Variants in RTN1 observed in about 807,000 individuals in gnomAD.
RTN1 encodes reticulon-1.
Under a neutral mutation model 65.5 loss-of-function variants are expected in RTN1, and 25 were observed. The observed-to-expected ratio is 0.38, with a 90% CI of 0.28 to 0.53. The LOEUF is 0.53. Among genes scored for constraint, RTN1 ranks in the 20% least tolerant of loss-of-function variants. The pLI is 0.79. For missense variants in RTN1, 983 were observed against 1,025.4 expected (o/e 0.96, Z 0.57); for synonymous variants, 471 against 447.6 (o/e 1.05, Z -0.66).
At chr14:59,864,122 C>T (rs1177256573) in intron 1 of RTN1, among the ~76,000 whole-genome samples, 2 of 152,202 alleles carry the variant, frequency 1.3e-5, no homozygotes, top group Non-Finnish European at 2.9e-5. Context: ...TTTAACACCT[C>T]TCCCATTCCT....
chr14:59,680,399 G>T (rs188839462), intron 3 of RTN1, among the ~76,000 whole-genome samples: 1 of 152,206 alleles, frequency 6.6e-6, no homozygotes, highest in African/African-American at 2.4e-5. Context: ...AAGTTATTTT[G>T]CATAAAAGTT....
At chr14:59,739,581 T>A (rs957288486) in intron 2 of RTN1, among the ~76,000 whole-genome samples, 3 of 147,460 alleles carry the variant, frequency 2.0e-5, no homozygotes, top group African/African-American at 7.5e-5. Flanking sequence ...GTAGAAGGAG[T>A]ATAACCCATT....
chr14:59,782,919 T>C (rs1033976587), intron 1 of RTN1, among the ~76,000 whole-genome samples: 8 of 152,162 alleles, frequency 5.3e-5, no homozygotes, highest in Middle Eastern at 3.2e-3. Context: ...CCATGCAGTC[T>C]ATGTTGAGTG....
rs923923596 is a variant in RTN1 at position 59,784,118 on chromosome 14, T to C, written c.242-37637A>G. Reference sequence around the variant, plus strand: ...TGGAACTCATTATATATTTTTATTGTTAATCTTGTCTTTATGTTTTAAAAA... The same window carrying C: ...TGGAACTCATTATATATTTTTATTGCTAATCTTGTCTTTATGTTTTAAAAA... On this transcript the variant is annotated intron_variant, in intron 1 of 8. Coordinates refer to ENST00000267484, the MANE Select transcript of RTN1 (RefSeq NM_021136.3). Among the ~76,000 whole-genome samples the C allele has an allele frequency of 1.2e-4, 18 of 152,192 alleles. 1 individual carries two copies. Among genetic ancestry groups the C allele is most frequent in the Admixed American group, 1.2e-3 (18 of 15,264 alleles).
chr14:59,615,239 C>T (rs141500340), intron 3 of RTN1, among the ~76,000 whole-genome samples: 2,790 of 152,158 alleles, frequency 0.018, 69 homozygotes, highest in African/African-American at 0.054. Flanking sequence ...CACCTGAGGT[C>T]AGGAGTTCGA....
At position 59,846,463 on chromosome 14, in the gene RTN1, C is replaced by G. The variant is rs909080561; in HGVS notation, c.241+23927G>C. ...ACCACACACATCCACACTCATCTGT[C>G]ACTTTGTTCCTGAGGTCTCAGTATT... On this transcript the variant is annotated intron_variant, in intron 1 of 8. Transcript: ENST00000267484. The surrounding 1 kb of genome is among the most constrained non-coding windows in gnomAD (Gnocchi z 4.8). Among the ~76,000 whole-genome samples the G allele has an allele frequency of 6.6e-6, 1 of 152,028 alleles. No individual in the cohort carries two copies. Among genetic ancestry groups the G allele is most frequent in the African/African-American group, 2.4e-5 (1 of 41,408 alleles).
Position 59,704,279 on chromosome 14 carries a change from C to T in RTN1, c.1765+22640G>A, listed in dbSNP as rs959836581. On this transcript the variant is annotated intron_variant, in intron 3 of 8. Transcript: ENST00000267484. ...GAACAACCCCGCCCCCTCACCGCCA[C>T]GAATAGTCAAATCTCTGCTAGGTTC... is the stretch of plus-strand genomic sequence containing the variant. Among the ~76,000 whole-genome samples the T allele has an allele frequency of 3.9e-5, 6 of 152,208 alleles. No homozygotes were observed. The South Asian group carries it at 1.2e-3, about 32-fold the overall frequency.
At chr14:59,758,241 T>C (rs1430816953) in intron 1 of RTN1, among the ~76,000 whole-genome samples, 6 of 152,160 alleles carry the variant, frequency 3.9e-5, no homozygotes, top group African/African-American at 1.4e-4. Context: ...TTCTCCAGCT[T>C]CCAGCCTCAC....
intron 2 of RTN1, among the ~76,000 whole-genome samples, chr14:59,729,328 G>T (rs1594705384): frequency 6.6e-6 from 1 of 152,222 alleles, no homozygotes; most frequent in African/African-American, 2.4e-5. Context: ...TTCTGAGTGA[G>T]ATTAGAAGAC....
At chr14:59,641,392 C>T (rs1040148425) in intron 3 of RTN1, among the ~76,000 whole-genome samples, 7 of 151,926 alleles carry the variant, frequency 4.6e-5, no homozygotes, top group Admixed American at 3.9e-4. Flanking sequence ...GTTTTTGAGA[C>T]AGAGTTTCAC....
rs1033471908 is a variant in RTN1, at chr14:59,744,999, C to A, written c.1015+709G>T. Among the ~76,000 whole-genome samples the A allele has an allele frequency of 4.6e-5, 7 of 152,110 alleles. No homozygotes were observed. The East Asian group carries it at 7.7e-4, about 17-fold the overall frequency. On this transcript the variant is annotated intron_variant, in intron 2 of 8. Transcript: ENST00000267484. The stretch of plus-strand genomic sequence containing the variant: ...GAAATATTGAACGATGAAGGCTCTG[C>A]CTTCATGAGTGGATTATCCCACTCA...
intron 3 of RTN1, among the ~76,000 whole-genome samples, chr14:59,650,171 G>A (rs1882991842): frequency 2.0e-5 from 3 of 152,154 alleles, no homozygotes; most frequent in Admixed American, 1.3e-4. Flanking sequence ...AACACTGCAT[G>A]TTCTCACTCA....
chr14:59,603,330 A>T (rs971075174), intron 6 of RTN1, 72 bp from the exon 7 acceptor site: 7 of 1,104,476 alleles, frequency 6.3e-6, no homozygotes, highest in Non-Finnish European at 9.4e-6. Context: ...ACACATTTTT[A>T]TATGGTTATA....
chr14:59,720,288 C>A, intron 3 of RTN1, among the ~76,000 whole-genome samples: 1 of 152,058 alleles, frequency 6.6e-6, no homozygotes. Flanking sequence ...AATTGGAACA[C>A]TGCTAACTCT....
chr14:59,662,521 T>G (rs902278697), intron 3 of RTN1, among the ~76,000 whole-genome samples: 2 of 152,174 alleles, frequency 1.3e-5, no homozygotes, highest in African/African-American at 4.8e-5. Flanking sequence ...TAGTATTCCA[T>G]GGAGTATATG....
At chr14:59,686,908 C>G (rs1011715517) in intron 3 of RTN1, among the ~76,000 whole-genome samples, 1 of 152,210 alleles carries the variant, frequency 6.6e-6, no homozygotes, top group Admixed American at 6.5e-5. Flanking sequence ...TCTTTAGTGA[C>G]CTGGCAGCAT....
intron 1 of RTN1, among the ~76,000 whole-genome samples, chr14:59,859,042 A>G (rs531143801): frequency 6.6e-6 from 1 of 152,356 alleles, no homozygotes; most frequent in South Asian, 2.1e-4. Flanking sequence ...GATTTTTAAA[A>G]GGCCACAAGT....
At position 59,857,986 on chromosome 14, in the gene RTN1, C is replaced by T. The variant is rs145462935; in HGVS notation, c.241+12404G>A. Among the ~76,000 whole-genome samples the T allele has an allele frequency of 1.5e-3, 224 of 152,236 alleles. 1 individual carries two copies. The highest frequency in any genetic ancestry group is 5.1e-3 in the African/African-American group (213 of 41,524). On this transcript the variant is annotated intron_variant, in intron 1 of 8. Transcript: ENST00000267484. ...CAATTCTATCCATCCTTCAAGAGAC[C>T]AGGTACATTGGAACCCATACAGTCA...
intron 8 of RTN1, among the ~76,000 whole-genome samples, chr14:59,597,699 G>A (rs1881446001): frequency 6.6e-6 from 1 of 152,208 alleles, no homozygotes; most frequent in South Asian, 2.1e-4. Flanking sequence ...GGTATGGCAG[G>A]CAGTGAGGGG....
Sources: gnomAD v4.1 joint callset for allele counts (sites outside exome capture counted in the v4.1 genomes callset) on GRCh38, gnomAD v4.1.1 for gene constraint, Gnocchi (gnomAD v3.1) non-coding constraint, MANE v1.5 for transcripts, NCBI Gene and HGNC (gene_info 2026-07-23, HGNC 2026-07-21) for gene names.